KCNH3: variants seen among roughly 807,000 people sequenced by gnomAD.
KCNH3 encodes potassium voltage-gated channel subfamily H member 3, also known as voltage-gated inwardly rectifying potassium channel KCNH3.
A neutral mutation model predicts 95.6 loss-of-function variants in KCNH3; 36 were observed. The observed-to-expected ratio is 0.38, with a 90% CI of 0.29 to 0.50. KCNH3 has a LOEUF of 0.50. Among genes scored for constraint, KCNH3 ranks in the 20% least tolerant of loss-of-function variants. The pLI is 0.95. For synonymous variants in KCNH3, 620 were observed against 646.3 expected (o/e 0.96, Z 0.62); for missense variants, 1,030 against 1,484.1 (o/e 0.69, Z 5.03).
chr12:49,549,229 C>T (rs1770924314), intron 8 of KCNH3, 56 bp downstream of exon 8: 3 of 1,526,432 alleles, frequency 2.0e-6, no homozygotes, highest in African/African-American at 1.4e-5. Flanking sequence ...TGCCCGCAGG[C>T]GGCGCCGTCC....
intron 6 of KCNH3, 49 bp downstream of exon 6, chr12:49,544,121 G>C: frequency 6.2e-7 from 1 of 1,605,424 alleles, no homozygotes; most frequent in Non-Finnish European, 8.5e-7. Context: ...CAGGGGACAG[G>C]CAGGGCCGGC....
chr12:49,544,167 C>T lies in KCNH3; in HGVS notation c.982-8C>T. The stretch of plus-strand genomic sequence containing the variant: ...CCCTCCCTCCCTCCCTCCCTCCCCG[C>T]ATCTCAGTACTTCGGGGCCCATCTG... On this transcript the variant is annotated splice_polypyrimidine_tract_variant and splice_region_variant and intron_variant, in intron 6 of 14. Coordinates refer to ENST00000257981, the MANE Select transcript of KCNH3 (RefSeq NM_012284.3). 6.3e-7 allele frequency: 1 copy of T among 1,592,014 alleles called. No homozygotes were observed. Among genetic ancestry groups the T allele is most frequent in the Non-Finnish European group, 8.5e-7 (1 of 1,173,978 alleles).
chr12:49,554,758 C>T (rs573074923), intron 11 of KCNH3, among the ~76,000 whole-genome samples: 16 of 152,342 alleles, frequency 1.1e-4, no homozygotes, highest in African/African-American at 3.6e-4. Flanking sequence ...GCCAGCTCTC[C>T]TTGGCCTGTC....
chr12:49,556,557 C>A, intron 13 of KCNH3, 81 bp downstream of exon 13: 1 of 1,015,252 alleles, frequency 9.8e-7, no homozygotes, highest in Non-Finnish European at 1.5e-6. Flanking sequence ...ACCTCTGAGC[C>A]TTCAATGTTA....
chr12:49,557,782 T>A lies in KCNH3; in HGVS notation c.3081T>A (p.Thr1027=). 1 of 1,607,836 alleles carries A rather than the reference T, an allele frequency of 6.2e-7. No individual in the cohort carries two copies. Among genetic ancestry groups the A allele is most frequent in the Non-Finnish European group, 8.5e-7 (1 of 1,175,902 alleles). Residue 1027 remains threonine (T), a synonymous_variant, in exon 15 of 15, where the codon ACT becomes ACA. Transcript: ENST00000257981. The part of the protein sequence containing the change: ...SPPPSEEGAR[T]GPAEPVSQAE... ...CTCCTTCTGAGGAAGGGGCTAGGAC[T>A]GGGCCCGCAGAGCCTGTGAGCCAGG...
intron 6 of KCNH3, 30 bp from the exon 7 acceptor site, chr12:49,544,145 T>TGCCAA: frequency 1.3e-5 from 11 of 818,310 alleles, no homozygotes; most frequent in Non-Finnish European, 2.0e-5. Context: ...CTGACCTCCC[T>TGCCAA]CCCTCCCTCC....
Position 49,557,345 on chromosome 12 carries a change from C to T in KCNH3, c.2653-9C>T, listed in dbSNP as rs1426451429. 2.5e-6 allele frequency: 4 copies of T among 1,609,044 alleles called. No individual in the cohort carries two copies. The highest frequency in any genetic ancestry group is 3.4e-6 in the Non-Finnish European group (4 of 1,176,412). On this transcript the variant is annotated splice_polypyrimidine_tract_variant and intron_variant, in intron 14 of 14. Coordinates refer to ENST00000257981, the MANE Select transcript of KCNH3 (RefSeq NM_012284.3). ...TCCATTCTGACCTCGCCTCCTCCCT[C>T]CCCCAAAGGTGACAGAGCTGTCAGA...
In KCNH3 at chr12:49,542,762, C is replaced by T. The variant is rs764126507; in HGVS notation, c.502C>T (p.Arg168Trp). The T allele has an allele frequency of 1.3e-5, 20 of 1,591,544 alleles. No homozygotes were observed. The highest frequency in any genetic ancestry group is 5.7e-5 in the South Asian group (5 of 87,316). Residue 168 changes from arginine (R) to tryptophan (W), a missense_variant, in exon 4 of 15, where the codon CGG (arginine) becomes TGG (tryptophan). Transcript: ENST00000257981. ...ATCCAAAGGCTTCAATGCCAACCGG[C>T]GGCGGAGCCGGGCCGTGCTCTACCA... ...ARSKGFNANR[R>W]RSRAVLYHLS...
intron 3 of KCNH3, 49 bp downstream of exon 3, chr12:49,541,813 G>C (rs747073081): frequency 6.2e-7 from 1 of 1,600,286 alleles, no homozygotes; most frequent in Non-Finnish European, 8.5e-7. Context: ...CCGCAGGCCC[G>C]GGCGGGGCCT....
chr12:49,549,765 G>C (rs1027517062), intron 9 of KCNH3, 125 bp downstream of exon 9: 1 of 947,968 alleles, frequency 1.1e-6, no homozygotes, highest in African/African-American at 1.6e-5. Flanking sequence ...CTTCTCTCTT[G>C]AGGGGACAGC....
Position 49,539,485 on chromosome 12 carries a change from C to T in KCNH3, c.69C>T (p.Asp23=), listed in dbSNP as rs1367270062. The change falls in exon 1 of 15, where the codon GAC becomes GAT. Residue 23 remains aspartate (D), a synonymous_variant. Transcript: ENST00000257981. This position sits in a 1 kb window ranked among gnomAD's most constrained non-coding sequence, Gnocchi z 6.7. ...TGGACACCATCGCTACGCGCTTCGA[C>T]GGCACGCGTGAGTCCGACCCTCGCC... The part of the protein sequence containing the change: ...TFLDTIATRF[D]GTHSNFVLGN... The T allele has an allele frequency of 8.8e-6, 14 of 1,588,426 alleles. No homozygotes were observed. The Admixed American group carries it at 2.1e-4, about 24-fold the overall frequency.
chr12:49,550,048 ACC>A (rs769229912), intron 9 of KCNH3, 30 bp from the exon 10 acceptor site: 2 of 800,672 alleles, frequency 2.5e-6, no homozygotes, highest in South Asian at 1.5e-5. Flanking sequence ...GCCACTCCCA[ACC>A]CCCCCACCCC....
At position 49,550,400 on chromosome 12, in the gene KCNH3, C is replaced by G. The variant is rs1938220469; in HGVS notation, c.1918+71C>G. On this transcript the variant is annotated intron_variant, in intron 10 of 14. Coordinates refer to ENST00000257981, the MANE Select transcript of KCNH3 (RefSeq NM_012284.3). The stretch of plus-strand genomic sequence containing the variant: ...ACCATGGCCCTGATCTGTGGAAAAC[C>G]TGGAGAGGGGACCTCCACAAGGCCA... The G allele has an allele frequency of 4.0e-6, 6 of 1,511,676 alleles. No individual in the cohort carries two copies. In the East Asian group the frequency reaches 1.4e-4, roughly 35 times the overall value. The allele number at this position is 1,511,676 out of a possible 1,614,324, so 93.6% of individuals were successfully genotyped here.
chr12:49,544,564 C>T (rs1937996054), intron 7 of KCNH3, among the ~76,000 whole-genome samples, 182 bp downstream of exon 7: 1 of 152,176 alleles, frequency 6.6e-6, no homozygotes, highest in Admixed American at 6.5e-5. Flanking sequence ...TGTTCTCCAG[C>T]AGCTGGGCCT....
At chr12:49,541,320 C>T (rs1937864522) in intron 2 of KCNH3, among the ~76,000 whole-genome samples, 188 bp downstream of exon 2, 2 of 152,244 alleles carry the variant, frequency 1.3e-5, no homozygotes, top group South Asian at 2.1e-4. Context: ...CCATCTCTAC[C>T]TGCCTCACCC....
chr12:49,542,297 G>T (rs566397097), intron 3 of KCNH3, among the ~76,000 whole-genome samples: 1 of 152,302 alleles, frequency 6.6e-6, no homozygotes, highest in East Asian at 1.9e-4. Context: ...TCTCCATGAT[G>T]TCAGCCTTCA....
At chr12:49,545,850 C>T (rs1042696834) in intron 7 of KCNH3, among the ~76,000 whole-genome samples, 6 of 152,112 alleles carry the variant, frequency 3.9e-5, no homozygotes, top group Non-Finnish European at 8.8e-5. Context: ...ACAGAGGACC[C>T]ATTTGAAATT....
chr12:49,540,650 C>T (rs909880678), intron 1 of KCNH3, among the ~76,000 whole-genome samples: 2 of 152,184 alleles, frequency 1.3e-5, no homozygotes, highest in Non-Finnish European at 2.9e-5. Flanking sequence ...GCACAGTGCC[C>T]GCACAGCGCT....
rs746607146 is a variant in KCNH3, at chr12:49,558,005, G to A, written c.*52G>A. 23 of 1,428,732 alleles carry A rather than the reference G, an allele frequency of 1.6e-5. 1 individual carries two copies. In the South Asian group the frequency reaches 3.6e-4, roughly 22 times the overall value. 88.5% of individuals were successfully genotyped at this position (1,428,732 alleles called of 1,614,324 possible). A position where few individuals can be genotyped will look rare whatever the true frequency, so the allele number is the denominator to read the frequency against. ...CAGGTGTGCTGCCATCTGCTGTTCG[G>A]CCCAACCTCAGAGTGAAGGCAGGGT... is the stretch of plus-strand genomic sequence containing the variant. On this transcript the variant is annotated 3_prime_UTR_variant, in exon 15 of 15. Coordinates refer to ENST00000257981, the MANE Select transcript of KCNH3 (RefSeq NM_012284.3).
Sources: allele counts gnomAD v4.1 joint callset (sites outside exome capture counted in the v4.1 genomes callset), GRCh38; gene constraint gnomAD v4.1.1; non-coding constraint Gnocchi (gnomAD v3.1); transcripts MANE v1.5; gene names NCBI Gene and HGNC (gene_info 2026-07-23, HGNC 2026-07-21).